SLC4A4: variants seen among roughly 807,000 people sequenced by gnomAD.
SLC4A4 encodes electrogenic sodium bicarbonate cotransporter 1.
SLC4A4 carries 27 observed loss-of-function variants against 111.5 expected under a neutral mutation model. The ratio of observed to expected loss-of-function variants is 0.24; its 90% CI spans 0.18 to 0.33. SLC4A4 has a LOEUF of 0.33. Ranked by LOEUF, SLC4A4 falls within the 10% of genes least tolerant of loss-of-function variation. The pLI, the probability that SLC4A4 is intolerant of heterozygous loss-of-function variation, is 1.00. For synonymous variants in SLC4A4, 443 were observed against 463.4 expected (o/e 0.96, Z 0.57); for missense variants, 909 against 1,315.5 (o/e 0.69, Z 4.78).
At chr4:71,379,608 A>G (rs1206586430) in intron 6 of SLC4A4, among the ~76,000 whole-genome samples, 1 of 152,080 alleles carries the variant, frequency 6.6e-6, no homozygotes, top group African/African-American at 2.4e-5. Flanking sequence ...TAATACAAAT[A>G]TGTTTCCTTC....
chr4:71,199,187 A>G (rs1746140638), intron 1 of SLC4A4, among the ~76,000 whole-genome samples: 1 of 152,236 alleles, frequency 6.6e-6, no homozygotes, highest in South Asian at 2.1e-4. Flanking sequence ...CTGACCGCAC[A>G]TGACAGTTCC....
Position 71,068,978 on chromosome 4 carries a change from A to G in SLC4A4, c.-65+6190A>G, listed in dbSNP as rs1741602276. On this transcript the variant is annotated intron_variant, in intron 1 of 26. Transcript: ENST00000649996. The stretch of plus-strand genomic sequence containing the variant: ...AGTCTTTTGTCATGACATATATGAC[A>G]GTTGTGATGTGTTGCTGCATCCCAA... 5.3e-5 allele frequency among the ~76,000 whole-genome samples: 8 copies of G among 152,372 alleles called. No homozygotes were observed. The South Asian group carries it at 1.7e-3, about 32-fold the overall frequency.
chr4:71,106,910 A>T (rs1341473182), intron 2 of SLC4A4, among the ~76,000 whole-genome samples: 3 of 151,278 alleles, frequency 2.0e-5, no homozygotes, highest in African/African-American at 7.3e-5. Flanking sequence ...GTACCCTAAA[A>T]CTTAAAGTAT....
chr4:71,081,208 T>C (rs1741985611), intron 1 of SLC4A4, among the ~76,000 whole-genome samples: 1 of 152,178 alleles, frequency 6.6e-6, no homozygotes, highest in Non-Finnish European at 1.5e-5. Flanking sequence ...TTAATGGCTC[T>C]GCATCTTAGC....
chr4:71,401,531 T>A (rs1424065862), intron 7 of SLC4A4, among the ~76,000 whole-genome samples: 1 of 152,212 alleles, frequency 6.6e-6, no homozygotes, highest in Non-Finnish European at 1.5e-5. Flanking sequence ...TATCTAATTA[T>A]GTTTCTTGAT....
At chr4:71,338,978 C>A in intron 3 of SLC4A4, 2 of 1,135,202 alleles carry the variant, frequency 1.8e-6, no homozygotes, top group Non-Finnish European at 2.3e-6. Context: ...TGTTGTCCCT[C>A]CCACTGCTGT....
intron 1 of SLC4A4, among the ~76,000 whole-genome samples, chr4:71,083,052 C>A (rs949051619): frequency 2.0e-5 from 3 of 151,968 alleles, no homozygotes; most frequent in African/African-American, 7.3e-5. Flanking sequence ...GGGGCTTCAC[C>A]ATGTTGGCCA....
intron 2 of SLC4A4, among the ~76,000 whole-genome samples, chr4:71,109,915 G>A (rs757319435): frequency 2.0e-5 from 3 of 152,166 alleles, no homozygotes; most frequent in African/African-American, 4.8e-5. Context: ...AAAGTTGTGT[G>A]CAAGGTTGCT....
chr4:71,185,367 AGGGAGTGAAAGTTAATTTTAACATTAGCC>A (rs2148990115), upstream of SLC4A4, among the ~76,000 whole-genome samples: 1 of 152,352 alleles, frequency 6.6e-6, no homozygotes, highest in Admixed American at 6.5e-5. Flanking sequence ...CTGCCTGCTC[AGGGAGTGAAAGTTAATTTTAACATTAGCC>A]TAGAAACAGA....
At chr4:71,454,351 A>T (rs1273606401) in intron 12 of SLC4A4, among the ~76,000 whole-genome samples, 3 of 152,186 alleles carry the variant, frequency 2.0e-5, no homozygotes, top group East Asian at 3.9e-4. Context: ...CAACCAGAAA[A>T]ATATGTCCCA....
intron 2 of SLC4A4, among the ~76,000 whole-genome samples, chr4:71,140,760 T>C (rs1743973142): frequency 1.3e-5 from 2 of 152,184 alleles, no homozygotes; most frequent in Non-Finnish European, 2.9e-5. Flanking sequence ...GTGTGTCAAA[T>C]ATGACCACTT....
chr4:71,246,045 C>G (rs1720633454), intron 2 of SLC4A4, among the ~76,000 whole-genome samples: 1 of 152,134 alleles, frequency 6.6e-6, no homozygotes, highest in Non-Finnish European at 1.5e-5. Context: ...ATGTGGGTGT[C>G]ATGGTTAGTT....
chr4:71,564,509 G>A (rs1220215079), intron 24 of SLC4A4, among the ~76,000 whole-genome samples: 1 of 151,810 alleles, frequency 6.6e-6, no homozygotes, highest in East Asian at 1.9e-4. Flanking sequence ...TGACTACGGT[G>A]CAATGGTTTG....
chr4:71,239,718 T>C (rs1220036009), intron 2 of SLC4A4, among the ~76,000 whole-genome samples: 1 of 152,194 alleles, frequency 6.6e-6, no homozygotes. Context: ...CATGTGTTAA[T>C]GGCTTAAAGA....
At chr4:71,518,034 G>A (rs1732569216) in intron 16 of SLC4A4, among the ~76,000 whole-genome samples, 1 of 152,204 alleles carries the variant, frequency 6.6e-6, no homozygotes, top group South Asian at 2.1e-4. Context: ...GCTTCAGGAT[G>A]TAGTGGGGTG....
intron 3 of SLC4A4, among the ~76,000 whole-genome samples, chr4:71,277,565 TTTCC>T (rs202241916): frequency 0.043 from 6,485 of 149,822 alleles, 186 homozygotes; most frequent in East Asian, 0.11. Flanking sequence ...TCTCTTTTTC[TTTCC>T]TTCCTTCCTT....
chr4:71,189,443 G>A lies in SLC4A4; in HGVS notation c.-2+2042G>A, dbSNP rs181633616. ...AAAAATGTTGTGTGAAAGAAATAAAGGCAATCAGATTTAGAGGAATAATGC... is the reference window on the plus strand; with the variant it reads ...AAAAATGTTGTGTGAAAGAAATAAAAGCAATCAGATTTAGAGGAATAATGC... On this transcript the variant is annotated intron_variant, in intron 1 of 25. Transcript: ENST00000264485. Among the ~76,000 whole-genome samples the A allele has an allele frequency of 1.3e-3, 203 of 152,278 alleles. 5 individuals are homozygous for A. The highest frequency in any genetic ancestry group is 0.012 in the Admixed American group (176 of 15,304).
At chr4:71,363,908 T>C (rs2148922274) in intron 6 of SLC4A4, among the ~76,000 whole-genome samples, 1 of 152,376 alleles carries the variant, frequency 6.6e-6, no homozygotes, top group East Asian at 1.9e-4. Context: ...CAGTAATTAT[T>C]ATGGCTATTG....
chr4:71,148,014 G>A (rs1482946981), intron 2 of SLC4A4, among the ~76,000 whole-genome samples: 1 of 152,038 alleles, frequency 6.6e-6, no homozygotes, highest in South Asian at 2.1e-4. Flanking sequence ...CAAAGTTCAG[G>A]TAAGTGACTA....
Sources: allele counts gnomAD v4.1 joint callset (sites outside exome capture counted in the v4.1 genomes callset), GRCh38; gene constraint gnomAD v4.1.1; transcripts MANE v1.5; gene names NCBI Gene and HGNC (gene_info 2026-07-23, HGNC 2026-07-21).